Variants in DMBX1 observed in about 807,000 individuals in gnomAD.
The protein encoded by DMBX1 is diencephalon/mesencephalon homeobox protein 1.
A neutral mutation model predicts 30.4 loss-of-function variants in DMBX1; 7 were observed. That is an observed-to-expected ratio of 0.23 (90% CI 0.13 to 0.43). The LOEUF (loss-of-function observed/expected upper bound fraction) is 0.43. Among genes scored for constraint, DMBX1 ranks in the 20% least tolerant of loss-of-function variants. DMBX1 has a pLI of 1.00. For missense variants in DMBX1, 460 were observed against 508.5 expected (o/e 0.90, Z 0.92); for synonymous variants, 222 against 214.2 (o/e 1.04, Z -0.32).
chr1:46,495,311 G>C (rs1325335290), intron 2 of DMBX1, among the ~76,000 whole-genome samples: 1 of 152,202 alleles, frequency 6.6e-6, no homozygotes, highest in Non-Finnish European at 1.5e-5. Context: ...ACTGGGTCCT[G>C]AGTACTAGCT....
At chr1:46,501,227 T>C (rs1301326896) in intron 2 of DMBX1, among the ~76,000 whole-genome samples, 3 of 110,502 alleles carry the variant, frequency 2.7e-5, no homozygotes, top group African/African-American at 3.8e-5. Context: ...TCTTTCTTTC[T>C]TTCTTTCTTT....
In DMBX1 at chr1:46,493,766, C is replaced by T. The variant is rs1665974606; in HGVS notation, c.-13+2983C>T. On this transcript the variant is annotated intron_variant, in intron 2 of 5. Coordinates refer to ENST00000360032, the MANE Select transcript of DMBX1 (RefSeq NM_172225.2). The surrounding 1 kb of genome is among the most constrained non-coding windows in gnomAD (Gnocchi z 4.1). ...TTGCTTGTGCCCCGGATGAGTTGTA[C>T]ATCTGTCAGTGTGCAGAGCAGGAGC... Among the ~76,000 whole-genome samples, 1 of 152,284 alleles carries T rather than the reference C, an allele frequency of 6.6e-6. No individual in the cohort carries two copies. Among genetic ancestry groups the T allele is most frequent in the Non-Finnish European group, 1.5e-5 (1 of 68,050 alleles).
chr1:46,498,195 A>G (rs1666060616), intron 2 of DMBX1, among the ~76,000 whole-genome samples: 1 of 152,156 alleles, frequency 6.6e-6, no homozygotes, highest in Admixed American at 6.5e-5. Flanking sequence ...GAAAGGGCCC[A>G]CTGGGCAGGG....
chr1:46,491,652 T>C lies in DMBX1; in HGVS notation c.-13+869T>C, dbSNP rs1251747540. Among the ~76,000 whole-genome samples, 1 of 152,156 alleles carries C rather than the reference T, an allele frequency of 6.6e-6. No individual in the cohort carries two copies. The highest frequency in any genetic ancestry group is 2.1e-4 in the South Asian group (1 of 4,820). On this transcript the variant is annotated intron_variant, in intron 2 of 5. Coordinates refer to ENST00000360032, the MANE Select transcript of DMBX1 (RefSeq NM_172225.2). The surrounding 1 kb of genome is among the most constrained non-coding windows in gnomAD (Gnocchi z 5.5). ...CCTTTCCCCTCTCTAGTGCTAGGGA[T>C]TCTGTGCGCTGCAGGCGGGTCAGCT...
Position 46,491,350 on chromosome 1 carries a change from A to G in DMBX1, c.-13+567A>G, listed in dbSNP as rs944313058. On this transcript the variant is annotated intron_variant, in intron 2 of 5. Transcript: ENST00000360032. This position sits in a 1 kb window ranked among gnomAD's most constrained non-coding sequence, Gnocchi z 5.5. ...TGCAGTTCACCAAAGCCGAGAACCC[A>G]CCGGGCCTGGAGCGCAGCCTCAGCG... 3.3e-5 allele frequency among the ~76,000 whole-genome samples: 5 copies of G among 152,074 alleles called. No individual in the cohort carries two copies. The highest frequency in any genetic ancestry group is 1.2e-4 in the African/African-American group (5 of 41,396).
chr1:46,491,851 T>G lies in DMBX1; in HGVS notation c.-13+1068T>G, dbSNP rs1023747125. On this transcript the variant is annotated intron_variant, in intron 2 of 5. Transcript: ENST00000360032. The surrounding 1 kb of genome is among the most constrained non-coding windows in gnomAD (Gnocchi z 5.5). Reference sequence around the variant, plus strand: ...GAATGAATTTAGTTCCTACCTCCCCTTTCTGCAAACCAGCTGTGTTTATGT... The same window carrying G: ...GAATGAATTTAGTTCCTACCTCCCCGTTCTGCAAACCAGCTGTGTTTATGT... 6.6e-6 allele frequency among the ~76,000 whole-genome samples: 1 copy of G among 152,232 alleles called. No homozygotes were observed. The highest frequency in any genetic ancestry group is 1.5e-5 in the Non-Finnish European group (1 of 68,026).
chr1:46,503,584 T>G (rs1666177082), intron 2 of DMBX1, among the ~76,000 whole-genome samples: 1 of 152,202 alleles, frequency 6.6e-6, no homozygotes, highest in South Asian at 2.1e-4. Flanking sequence ...TCAGTTTGTG[T>G]CTGTGATTAA....
chr1:46,504,144 T>G (rs1355363138), intron 2 of DMBX1, among the ~76,000 whole-genome samples: 1 of 151,870 alleles, frequency 6.6e-6, no homozygotes, highest in South Asian at 2.1e-4. Context: ...GTTGCAAAAA[T>G]TTTCTCCCAT....
chr1:46,494,329 C>T (rs1215293680), intron 2 of DMBX1, among the ~76,000 whole-genome samples: 2 of 152,220 alleles, frequency 1.3e-5, no homozygotes, highest in Admixed American at 6.5e-5. Context: ...AAAATTAACT[C>T]CAGCCGCCTG....
intron 2 of DMBX1, among the ~76,000 whole-genome samples, chr1:46,496,934 G>A (rs1023052170): frequency 1.3e-5 from 2 of 152,196 alleles, no homozygotes; most frequent in Admixed American, 1.3e-4. Context: ...CAGGAGGGAC[G>A]GTTGCAGTGG....
Position 46,515,226 on chromosome 1 carries a change from G to C in DMBX1, c.*2732G>C, listed in dbSNP as rs1413222428. 1.3e-5 allele frequency among the ~76,000 whole-genome samples: 2 copies of C among 152,202 alleles called. No homozygotes were observed. Among genetic ancestry groups the C allele is most frequent in the African/African-American group, 4.8e-5 (2 of 41,438 alleles). On this transcript the variant is annotated 3_prime_UTR_variant, in exon 6 of 6. Coordinates refer to ENST00000360032, the MANE Select transcript of DMBX1 (RefSeq NM_172225.2). ...TTTTGTGGCCAATAGCCCATCAACT[G>C]TCCTCTGGGATTAGCCCCAGGAAGT... is the stretch of plus-strand genomic sequence containing the variant.
chr1:46,500,192 G>A (rs1486677140), intron 2 of DMBX1, among the ~76,000 whole-genome samples: 1 of 151,992 alleles, frequency 6.6e-6, no homozygotes, highest in Admixed American at 6.6e-5. Flanking sequence ...AGGGCATCAG[G>A]CCATACTGGG....
At chr1:46,499,519 A>G (rs1465267641) in intron 2 of DMBX1, among the ~76,000 whole-genome samples, 1 of 152,186 alleles carries the variant, frequency 6.6e-6, no homozygotes, top group African/African-American at 2.4e-5. Flanking sequence ...CCTTTAGCAA[A>G]TTATCCAATC....
chr1:46,497,412 ATGTT>A (rs1171476101), intron 2 of DMBX1, among the ~76,000 whole-genome samples: 3 of 152,204 alleles, frequency 2.0e-5, no homozygotes, highest in Non-Finnish European at 2.9e-5. Context: ...CTCTCAGAGA[ATGTT>A]TGTTTCCTCT....
chr1:46,514,507 C>T lies in DMBX1; in HGVS notation c.*2013C>T, dbSNP rs1666452873. Among the ~76,000 whole-genome samples the T allele has an allele frequency of 6.6e-6, 1 of 152,182 alleles. No individual in the cohort carries two copies. Among genetic ancestry groups the T allele is most frequent in the South Asian group, 2.1e-4 (1 of 4,824 alleles). ...CAGTTTCCCCATAGGCATAATGGGTCCCTTCTAGTTCAGGCAATCTGGATT... is the reference window on the plus strand; with the variant it reads ...CAGTTTCCCCATAGGCATAATGGGTTCCTTCTAGTTCAGGCAATCTGGATT... On this transcript the variant is annotated 3_prime_UTR_variant, in exon 6 of 6. Coordinates refer to ENST00000360032, the MANE Select transcript of DMBX1 (RefSeq NM_172225.2).
intron 2 of DMBX1, among the ~76,000 whole-genome samples, chr1:46,501,442 G>A (rs1016445996): frequency 3.2e-4 from 48 of 151,158 alleles, no homozygotes; most frequent in South Asian, 2.5e-3. Context: ...CACCACACCC[G>A]GCTAATTTTT....
At position 46,491,755 on chromosome 1, in the gene DMBX1, G is replaced by A. The variant is rs754289429; in HGVS notation, c.-13+972G>A. Among the ~76,000 whole-genome samples the A allele has an allele frequency of 6.6e-6, 1 of 152,044 alleles. No homozygotes were observed. The highest frequency in any genetic ancestry group is 1.5e-5 in the Non-Finnish European group (1 of 68,006). Reference sequence around the variant, plus strand: ...TAGTGGGGGTTGTTTTCAATTTTTCGGGGATTTGTGTTTCACTTACCCACA... The same window carrying A: ...TAGTGGGGGTTGTTTTCAATTTTTCAGGGATTTGTGTTTCACTTACCCACA... On this transcript the variant is annotated intron_variant, in intron 2 of 5. Coordinates refer to ENST00000360032, the MANE Select transcript of DMBX1 (RefSeq NM_172225.2). This position sits in a 1 kb window ranked among gnomAD's most constrained non-coding sequence, Gnocchi z 5.5.
intron 3 of DMBX1, 37 bp downstream of exon 3, chr1:46,507,201 T>C (rs1393551294): frequency 6.2e-7 from 1 of 1,608,732 alleles, no homozygotes; most frequent in African/African-American, 1.3e-5. Context: ...GGGACAGGAC[T>C]GTGGGGGTTG....
Position 46,510,714 on chromosome 1 carries a change from G to A in DMBX1, c.333+60G>A, listed in dbSNP as rs148987923. The A allele has an allele frequency of 1.3e-4, 209 of 1,559,276 alleles. 1 individual carries two copies. In the East Asian group the frequency reaches 3.8e-3, roughly 28 times the overall value. ...CAAACACCAGCCCATCAGTCTGCCC[G>A]CTTGTCCAGGAGCCAGCATGTCATC... is the stretch of plus-strand genomic sequence containing the variant. On this transcript the variant is annotated intron_variant, in intron 4 of 5. Transcript: ENST00000360032. This position sits in a 1 kb window ranked among gnomAD's most constrained non-coding sequence, Gnocchi z 4.1.
Sources: gnomAD v4.1 joint callset for allele counts (sites outside exome capture counted in the v4.1 genomes callset) on GRCh38, gnomAD v4.1.1 for gene constraint, Gnocchi (gnomAD v3.1) non-coding constraint, MANE v1.5 for transcripts, NCBI Gene and HGNC (gene_info 2026-07-23, HGNC 2026-07-21) for gene names.